The following TPH2 variants were observed in gnomAD, a reference collection of about 807,000 sequenced individuals.
The protein encoded by TPH2 is tryptophan hydroxylase 2, also known as tryptophan 5-hydroxylase 2.
In TPH2, 27 loss-of-function variants were observed where a neutral mutation model predicts 59.1. That is an observed-to-expected ratio of 0.46 (90% CI 0.34 to 0.63). The LOEUF (loss-of-function observed/expected upper bound fraction) is 0.63. Among genes scored for constraint, TPH2 ranks in the 30% least tolerant of loss-of-function variants. The pLI is 0.01. For synonymous variants in TPH2, 220 were observed against 210.5 expected, an observed-to-expected ratio of 1.05 and a Z score of -0.39; for missense variants, 523 against 588.3, an observed-to-expected ratio of 0.89 and a Z score of 1.15.
rs193178559 is a variant in TPH2, at chr12:72,024,290, G to A, written c.1164+1796G>A. Among the ~76,000 whole-genome samples, 3 of 152,336 alleles carry A rather than the reference G, an allele frequency of 2.0e-5. No homozygotes were observed. The East Asian group carries it at 5.8e-4, about 29-fold the overall frequency. On this transcript the variant is annotated intron_variant, in intron 9 of 10. Coordinates refer to ENST00000333850, the MANE Select transcript of TPH2 (RefSeq NM_173353.4). ...AGGGTAAATAAGGAAAGGATGGGGT[G>A]CACCAGTCTGTCAGTGGAGAGCCAC...
At chr12:72,020,789 G>A (rs1489272514) in intron 8 of TPH2, among the ~76,000 whole-genome samples, 1 of 152,026 alleles carries the variant, frequency 6.6e-6, no homozygotes, top group Non-Finnish European at 1.5e-5. Context: ...GCCCAGTCTA[G>A]GGCTGTAATT....
intron 7 of TPH2, among the ~76,000 whole-genome samples, chr12:71,992,702 A>G (rs1227580399): frequency 1.3e-5 from 2 of 152,240 alleles, no homozygotes. Flanking sequence ...AATTGGAATA[A>G]TAAAGCTTCT....
intron 8 of TPH2, among the ~76,000 whole-genome samples, chr12:72,015,565 C>T (rs1374144852): frequency 2.0e-5 from 3 of 151,960 alleles, no homozygotes; most frequent in Admixed American, 6.5e-5. Context: ...GTGATCCACC[C>T]GCGTCGGTCT....
chr12:71,984,500 G>C (rs1386017691), intron 7 of TPH2, among the ~76,000 whole-genome samples: 2 of 152,132 alleles, frequency 1.3e-5, no homozygotes, highest in Non-Finnish European at 1.5e-5. Flanking sequence ...CTTGGGCCCT[G>C]GCTGTTGTTG....
chr12:71,972,809 G>A, intron 6 of TPH2, 94 bp downstream of exon 6: 1 of 1,310,386 alleles, frequency 7.6e-7, no homozygotes, highest in South Asian at 1.3e-5. Context: ...TCCAAAAAAG[G>A]AAAAACAGTG....
chr12:71,966,676 T>G (rs911997344), intron 5 of TPH2, among the ~76,000 whole-genome samples: 1 of 152,234 alleles, frequency 6.6e-6, no homozygotes, highest in East Asian at 1.9e-4. Flanking sequence ...TCTGTTATCT[T>G]CTGCTCTGTT....
chr12:72,014,860 T>C lies in TPH2; in HGVS notation c.1069-7539T>C, dbSNP rs902155121. ...TCTGGTGGGAGGTTTGGATGAACGA[T>C]GTTGGGATAGATATTTCAGAGGCAG... On this transcript the variant is annotated intron_variant, in intron 8 of 10. Coordinates refer to ENST00000333850, the MANE Select transcript of TPH2 (RefSeq NM_173353.4). Among the ~76,000 whole-genome samples, 7 of 152,294 alleles carry C rather than the reference T, an allele frequency of 4.6e-5. No individual in the cohort carries two copies. In the East Asian group the frequency reaches 1.4e-3, roughly 29 times the overall value.
At chr12:72,025,620 G>A (rs1374266461) in intron 9 of TPH2, among the ~76,000 whole-genome samples, 2 of 152,094 alleles carry the variant, frequency 1.3e-5, no homozygotes, top group Non-Finnish European at 2.9e-5. Context: ...TTCCCCCACA[G>A]CAATGGTTGC....
rs555988432 is a variant in TPH2, at chr12:72,014,279, C to T, written c.1069-8120C>T. ...CATCTCGAAGTTTCTAGCATTTTTA[C>T]CCTCTTAATTTACATTTTACATAGG... On this transcript the variant is annotated intron_variant, in intron 8 of 10. Coordinates refer to ENST00000333850, the MANE Select transcript of TPH2 (RefSeq NM_173353.4). Among the ~76,000 whole-genome samples, 6 of 152,252 alleles carry T rather than the reference C, an allele frequency of 3.9e-5. No homozygotes were observed. The South Asian group carries it at 8.3e-4, about 21-fold the overall frequency.
chr12:71,978,892 CT>C, intron 6 of TPH2, 59 bp from the exon 7 acceptor site: 1 of 1,607,624 alleles, frequency 6.2e-7, no homozygotes. Context: ...GAAGCTCCTG[CT>C]TGGGCCCTCA....
rs961094133 is a variant in TPH2, at chr12:72,029,496, A to G, written c.1165-1762A>G. ...AGCCAATTTTTTGCAGAGGGGCAAC[A>G]ACTTTCATAAAGGGACATTTTGTTT... On this transcript the variant is annotated intron_variant, in intron 9 of 10. Transcript: ENST00000333850. 5.3e-4 allele frequency among the ~76,000 whole-genome samples: 81 copies of G among 152,352 alleles called. 1 individual carries two copies. Among genetic ancestry groups the G allele is most frequent in the Admixed American group, 5.1e-3 (78 of 15,292 alleles).
intron 5 of TPH2, among the ~76,000 whole-genome samples, chr12:71,968,885 A>G (rs1447012022): frequency 6.6e-6 from 1 of 152,136 alleles, no homozygotes; most frequent in Non-Finnish European, 1.5e-5. Flanking sequence ...TTTCTCTAGA[A>G]TGTGGAGTCC....
intron 5 of TPH2, among the ~76,000 whole-genome samples, chr12:71,970,299 C>T (rs1592392133): frequency 6.6e-6 from 1 of 152,146 alleles, no homozygotes; most frequent in South Asian, 2.1e-4. Context: ...CCAGGAGAGA[C>T]AAACAGAACA....
rs137955271 is a variant in TPH2 at position 72,030,792 on chromosome 12, C to T, written c.1165-466C>T. Among the ~76,000 whole-genome samples the T allele has an allele frequency of 2.9e-3, 447 of 152,138 alleles. 6 individuals are homozygous for T. Among genetic ancestry groups the T allele is most frequent in the African/African-American group, 9.9e-3 (411 of 41,510 alleles). On this transcript the variant is annotated intron_variant, in intron 9 of 10. Transcript: ENST00000333850. ...CTCAAAATATCTCCCAATGAATAGA[C>T]AAATAGTTTAGTCAGAGCCCCAATT...
intron 8 of TPH2, among the ~76,000 whole-genome samples, chr12:72,009,029 A>G (rs1174733131): frequency 6.6e-6 from 1 of 152,170 alleles, no homozygotes; most frequent in Non-Finnish European, 1.5e-5. Context: ...ATATCACATG[A>G]CATCCAGATT....
intron 7 of TPH2, among the ~76,000 whole-genome samples, chr12:71,982,694 A>G (rs1376820422): frequency 6.6e-6 from 1 of 152,176 alleles, no homozygotes; most frequent in African/African-American, 2.4e-5. Flanking sequence ...ATGAAGTTCA[A>G]CTTCTCTACT....
intron 7 of TPH2, among the ~76,000 whole-genome samples, chr12:71,986,879 A>G (rs1872452157): frequency 6.6e-6 from 1 of 152,186 alleles, no homozygotes; most frequent in African/African-American, 2.4e-5. Context: ...TTGCATTTTT[A>G]AATTGCAAGT....
chr12:71,968,146 G>A (rs908231137), intron 5 of TPH2, among the ~76,000 whole-genome samples: 6 of 152,160 alleles, frequency 3.9e-5, no homozygotes, highest in African/African-American at 1.4e-4. Context: ...AATCCCTTTC[G>A]ATAGAGTGTT....
At chr12:71,969,430 A>G (rs1427196383) in intron 5 of TPH2, among the ~76,000 whole-genome samples, 1 of 152,154 alleles carries the variant, frequency 6.6e-6, no homozygotes, top group Non-Finnish European at 1.5e-5. Context: ...ACACATTCTG[A>G]TTTTCCTCAT....
Sources: allele counts gnomAD v4.1 joint callset (sites outside exome capture counted in the v4.1 genomes callset), GRCh38; gene constraint gnomAD v4.1.1; transcripts MANE v1.5; gene names NCBI Gene and HGNC (gene_info 2026-07-23, HGNC 2026-07-21).